DCC: variants seen among roughly 807,000 people sequenced by gnomAD.
DCC encodes DCC netrin 1 receptor.
In DCC, 58 loss-of-function variants were observed where a neutral mutation model predicts 172.5. The ratio of observed to expected loss-of-function variants is 0.34; its 90% CI spans 0.27 to 0.42. DCC has a LOEUF of 0.42. Ranked by LOEUF, DCC falls within the 10% of genes least tolerant of loss-of-function variation. The pLI, the probability that DCC is intolerant of heterozygous loss-of-function variation, is 1.00. For missense variants in DCC, 1,740 were observed against 1,791.0 expected, an observed-to-expected ratio of 0.97 and a Z score of 0.51; for synonymous variants, 709 against 644.5, an observed-to-expected ratio of 1.10 and a Z score of -1.52.
intron 1 of DCC, among the ~76,000 whole-genome samples, chr18:52,615,387 G>A (rs527608213): frequency 2.3e-4 from 35 of 152,272 alleles, no homozygotes; most frequent in African/African-American, 4.1e-4. Flanking sequence ...GATTCAAAGC[G>A]GTGGGAACAG....
At chr18:53,041,197 GT>G (rs1036244889) in intron 5 of DCC, among the ~76,000 whole-genome samples, 1 of 152,056 alleles carries the variant, frequency 6.6e-6, no homozygotes, top group Non-Finnish European at 1.5e-5. Flanking sequence ...TGTATAAGAT[GT>G]AAGGAAGGGG....
chr18:53,257,661 C>G (rs1303005304), intron 12 of DCC, among the ~76,000 whole-genome samples: 1 of 151,276 alleles, frequency 6.6e-6, no homozygotes, highest in Non-Finnish European at 1.5e-5. Flanking sequence ...GGATATTGGT[C>G]TAGAATTCTC....
intron 1 of DCC, among the ~76,000 whole-genome samples, chr18:52,656,525 G>A (rs1224194608): frequency 2.0e-5 from 3 of 149,556 alleles, no homozygotes; most frequent in African/African-American, 7.4e-5. Context: ...ATAAATATAT[G>A]TGAATAGATT....
At chr18:52,912,136 A>G (rs2039979254) in intron 3 of DCC, among the ~76,000 whole-genome samples, 1 of 152,132 alleles carries the variant, frequency 6.6e-6, no homozygotes, top group African/African-American at 2.4e-5. Context: ...ATGATTAAGT[A>G]CAAATCTTGG....
chr18:52,358,947 T>C (rs915283797), intron 1 of DCC, among the ~76,000 whole-genome samples: 1 of 152,230 alleles, frequency 6.6e-6, no homozygotes, highest in African/African-American at 2.4e-5. Context: ...ATTCTCCCTC[T>C]GTTAAACTCT....
intron 1 of DCC, among the ~76,000 whole-genome samples, chr18:52,479,530 ATCTCTCTCTCTCTCTCTGTCTC>A (rs1430541758): frequency 2.2e-5 from 3 of 138,236 alleles, no homozygotes; most frequent in Non-Finnish European, 4.7e-5. Context: ...CCCCCTCCTC[ATCTCTCTCTCTCTCTCTGTCTC>A]TCTCTCTCTC....
At chr18:52,437,110 T>C (rs984531727) in intron 1 of DCC, among the ~76,000 whole-genome samples, 3 of 152,174 alleles carry the variant, frequency 2.0e-5, no homozygotes, top group Non-Finnish European at 4.4e-5. Flanking sequence ...GTATAGGTAT[T>C]CACAATGAAG....
intron 12 of DCC, among the ~76,000 whole-genome samples, chr18:53,268,325 T>C (rs1384455272): frequency 6.6e-6 from 1 of 152,228 alleles, no homozygotes; most frequent in Admixed American, 6.5e-5. Context: ...ATGTAACAGA[T>C]ATGTTGAGTT....
At chr18:52,425,405 C>T (rs1274180690) in intron 1 of DCC, among the ~76,000 whole-genome samples, 1 of 152,054 alleles carries the variant, frequency 6.6e-6, no homozygotes, top group Non-Finnish European at 1.5e-5. Flanking sequence ...AAACCAGAGC[C>T]ATTGCTCAAA....
chr18:52,926,415 C>T (rs2040202773), intron 5 of DCC, among the ~76,000 whole-genome samples: 1 of 151,600 alleles, frequency 6.6e-6, no homozygotes, highest in Admixed American at 6.6e-5. Context: ...AGACTTAAAC[C>T]CTGGATTTAG....
chr18:52,934,237 C>T (rs1191317315), intron 5 of DCC, among the ~76,000 whole-genome samples: 3 of 151,802 alleles, frequency 2.0e-5, no homozygotes, highest in African/African-American at 7.3e-5. Flanking sequence ...ATCAATATAA[C>T]AATATCTAGT....
At chr18:52,411,201 G>T (rs1435408131) in intron 1 of DCC, among the ~76,000 whole-genome samples, 1 of 152,096 alleles carries the variant, frequency 6.6e-6, no homozygotes, top group Non-Finnish European at 1.5e-5. Context: ...CTTTAAGGCA[G>T]CTCCCTCAGA....
intron 1 of DCC, among the ~76,000 whole-genome samples, chr18:52,615,291 C>T (rs2034359068): frequency 1.3e-5 from 2 of 152,096 alleles, no homozygotes; most frequent in East Asian, 3.9e-4. Flanking sequence ...TCTGTCCTGC[C>T]CTCAGATCAC....
chr18:52,436,363 C>T (rs1022051241), intron 1 of DCC, among the ~76,000 whole-genome samples: 1 of 152,204 alleles, frequency 6.6e-6, no homozygotes, highest in Non-Finnish European at 1.5e-5. Context: ...TCATGAATGA[C>T]TCCTGGATGC....
chr18:52,756,681 T>C (rs144127077), intron 2 of DCC, among the ~76,000 whole-genome samples: 6 of 152,328 alleles, frequency 3.9e-5, no homozygotes, highest in African/African-American at 1.4e-4. Flanking sequence ...AAAATGAACT[T>C]GCATCTGGCC....
At chr18:53,276,341 T>C (rs1171692899) in intron 12 of DCC, among the ~76,000 whole-genome samples, 2 of 152,172 alleles carry the variant, frequency 1.3e-5, no homozygotes, top group South Asian at 2.1e-4. Context: ...ACCTTTCTTT[T>C]TTCCTTATTT....
intron 5 of DCC, 102 bp downstream of exon 5, chr18:52,925,472 T>C (rs1424880203): frequency 7.9e-7 from 1 of 1,266,054 alleles, no homozygotes; most frequent in Non-Finnish European, 1.1e-6. Flanking sequence ...TTTATTAGTG[T>C]GAAATTGCAA....
At chr18:52,629,689 GC>G (rs1162657390) in intron 1 of DCC, among the ~76,000 whole-genome samples, 16 of 151,966 alleles carry the variant, frequency 1.1e-4, no homozygotes, top group Non-Finnish European at 2.1e-4. Flanking sequence ...GGTGGCTCAC[GC>G]CTGTAATCCC....
chr18:52,901,681 A>T (rs907757262), intron 2 of DCC, among the ~76,000 whole-genome samples: 2 of 152,158 alleles, frequency 1.3e-5, no homozygotes, highest in Admixed American at 1.3e-4. Flanking sequence ...ATTATTCCAA[A>T]CTGCTACACA....
Sources: allele counts gnomAD v4.1 joint callset (sites outside exome capture counted in the v4.1 genomes callset), GRCh38; gene constraint gnomAD v4.1.1; transcripts MANE v1.5; gene names NCBI Gene and HGNC (gene_info 2026-07-23, HGNC 2026-07-21).